Variants in CROT observed in about 807,000 individuals in gnomAD.
The protein encoded by CROT is carnitine O-octanoyltransferase.
A neutral mutation model predicts 89.2 loss-of-function variants in CROT; 84 were observed. That is an observed-to-expected ratio of 0.94 (90% CI 0.79 to 1.13). CROT has a LOEUF of 1.13. CROT is among the 50% of genes most tolerant of loss of function. The pLI, the probability that CROT is intolerant of heterozygous loss-of-function variation, is 0.00. For synonymous variants in CROT, 212 were observed against 239.5 expected (o/e 0.89, Z 1.06); for missense variants, 711 against 727.8 (o/e 0.98, Z 0.27).
intron 10 of CROT, among the ~76,000 whole-genome samples, chr7:87,378,757 C>T (rs1462338559): frequency 6.6e-6 from 1 of 152,160 alleles, no homozygotes; most frequent in Admixed American, 6.5e-5. Context: ...ATGAGCTTGG[C>T]CTGGGTCACA....
intron 7 of CROT, among the ~76,000 whole-genome samples, chr7:87,372,763 G>C (rs189686737): frequency 1.3e-5 from 2 of 152,030 alleles, no homozygotes; most frequent in African/African-American, 4.8e-5. Context: ...AGGTTCATCC[G>C]TGTTTTAGCA....
intron 4 of CROT, among the ~76,000 whole-genome samples, chr7:87,360,903 G>A (rs993117104): frequency 2.6e-5 from 4 of 152,054 alleles, no homozygotes; most frequent in Non-Finnish European, 2.9e-5. Flanking sequence ...ATAGCTCCCC[G>A]CTGAAAAGAA....
intron 4 of CROT, chr7:87,359,917 G>A: frequency 1.0e-6 from 1 of 984,986 alleles, no homozygotes; most frequent in Non-Finnish European, 1.2e-6. Context: ...GGATGAGGTT[G>A]TATAATTCAA....
At chr7:87,354,418 A>T (rs1300291535) in intron 3 of CROT, 1 of 518,426 alleles carries the variant, frequency 1.9e-6, no homozygotes, top group Non-Finnish European at 3.9e-6. Flanking sequence ...TAGGAAGAGT[A>T]TATTCAAGGT....
chr7:87,396,165 A>G (rs538663044), intron 17 of CROT, among the ~76,000 whole-genome samples: 1 of 152,334 alleles, frequency 6.6e-6, no homozygotes, highest in South Asian at 2.1e-4. Context: ...TCAGTGGCTC[A>G]TGCCTGTGTT....
intron 4 of CROT, among the ~76,000 whole-genome samples, chr7:87,360,593 C>A (rs187524456): frequency 1.3e-5 from 2 of 152,022 alleles, no homozygotes; most frequent in Non-Finnish European, 2.9e-5. Flanking sequence ...TGCCTGCCTC[C>A]GCCTCCCAAA....
chr7:87,370,921 G>A (rs1584633605), intron 7 of CROT, among the ~76,000 whole-genome samples: 1 of 152,218 alleles, frequency 6.6e-6, no homozygotes. Flanking sequence ...AAGTAGTTAT[G>A]TCTACTAGTG....
intron 17 of CROT, among the ~76,000 whole-genome samples, chr7:87,393,411 G>T (rs1401420905): frequency 6.6e-6 from 1 of 152,148 alleles, no homozygotes; most frequent in Non-Finnish European, 1.5e-5. Flanking sequence ...ATATATGGTG[G>T]TTCATGTAGT....
At chr7:87,369,168 C>T (rs1562932075) in intron 6 of CROT, among the ~76,000 whole-genome samples, 1 of 152,156 alleles carries the variant, frequency 6.6e-6, no homozygotes, top group Non-Finnish European at 1.5e-5. Flanking sequence ...TTCTAGATGT[C>T]TCACATGGAA....
intron 17 of CROT, among the ~76,000 whole-genome samples, chr7:87,396,097 G>A (rs31647): frequency 3.5e-4 from 53 of 152,182 alleles, no homozygotes; most frequent in African/African-American, 1.2e-3. Context: ...AGAGATTGTC[G>A]ATATGGCAAA....
chr7:87,361,923 A>G, intron 6 of CROT, 71 bp downstream of exon 6: 1 of 1,343,576 alleles, frequency 7.4e-7, no homozygotes, highest in Non-Finnish European at 1.0e-6. Flanking sequence ...GACGTGATGG[A>G]ACATACACTT....
chr7:87,393,211 T>C, intron 17 of CROT, 144 bp downstream of exon 17: 2 of 873,354 alleles, frequency 2.3e-6, no homozygotes, highest in Non-Finnish European at 3.5e-6. Flanking sequence ...CACTTAGGCA[T>C]TTAATGCATA....
chr7:87,384,665 A>G (rs993551202), intron 13 of CROT, among the ~76,000 whole-genome samples: 1 of 152,198 alleles, frequency 6.6e-6, no homozygotes, highest in Non-Finnish European at 1.5e-5. Context: ...ATTTTCTCCC[A>G]TTCTGTGGGC....
At chr7:87,385,009 C>T (rs996467412) in intron 13 of CROT, among the ~76,000 whole-genome samples, 25 of 151,766 alleles carry the variant, frequency 1.6e-4, no homozygotes, top group Admixed American at 1.5e-3. Flanking sequence ...TGTAAATACA[C>T]GGATTTATTT....
intron 6 of CROT, among the ~76,000 whole-genome samples, chr7:87,365,245 T>C (rs1203080791): frequency 6.6e-6 from 1 of 152,054 alleles, no homozygotes; most frequent in Non-Finnish European, 1.5e-5. Context: ...TCCCAGCACT[T>C]TGGGAGGCCT....
At chr7:87,389,635 T>C (rs1280809025) in intron 13 of CROT, among the ~76,000 whole-genome samples, 2 of 150,174 alleles carry the variant, frequency 1.3e-5, no homozygotes, top group African/African-American at 2.5e-5. Context: ...GGTGGGGGGC[T>C]AGGGGAGGGA....
intron 3 of CROT, among the ~76,000 whole-genome samples, chr7:87,350,673 C>T (rs1222738684): frequency 1.8e-4 from 27 of 152,096 alleles, no homozygotes; most frequent in Admixed American, 1.8e-3. Flanking sequence ...ATAACCATCC[C>T]CAAGGAGAAG....
chr7:87,362,304 C>CT (rs1237429320), intron 6 of CROT, among the ~76,000 whole-genome samples: 1,810 of 132,328 alleles, frequency 0.014, 38 homozygotes, highest in African/African-American at 0.039. Context: ...GTCACTCTTC[C>CT]TTTTTTTTTT....
chr7:87,369,809 G>C (rs1448310680), intron 7 of CROT: 1 of 148,512 alleles, frequency 6.7e-6, no homozygotes, highest in Non-Finnish European at 1.5e-5. Context: ...TGTATACCTA[G>C]CTTAAAAAAT....
Sources: gnomAD v4.1 joint callset for allele counts (sites outside exome capture counted in the v4.1 genomes callset) on GRCh38, gnomAD v4.1.1 for gene constraint, MANE v1.5 for transcripts, NCBI Gene and HGNC (gene_info 2026-07-23, HGNC 2026-07-21) for gene names.